The following MAGI1 variants were observed in gnomAD, a reference collection of about 807,000 sequenced individuals.
MAGI1 encodes the protein membrane-associated guanylate kinase, WW and PDZ domain-containing protein 1.
Under a neutral mutation model 139.9 loss-of-function variants are expected in MAGI1, and 58 were observed. That is an observed-to-expected ratio of 0.41 (90% confidence interval 0.34 to 0.52). The LOEUF is 0.52. MAGI1 is among the 20% of genes least tolerant of loss of function. The pLI, the probability that MAGI1 is intolerant of heterozygous loss-of-function variation, is 0.12. For synonymous variants in MAGI1, 812 were observed against 737.9 expected (o/e 1.10, Z -1.63); for missense variants, 1,874 against 1,901.6 (o/e 0.99, Z 0.27).
intron 1 of MAGI1, among the ~76,000 whole-genome samples, chr3:65,698,709 T>G (rs1351563479): frequency 6.7e-6 from 1 of 150,082 alleles, no homozygotes; most frequent in Non-Finnish European, 1.5e-5. Flanking sequence ...TCCTTACACC[T>G]TATACAAAAA....
chr3:65,833,028 T>A lies in MAGI1; in HGVS notation c.313+204968A>T, dbSNP rs2042609615. Reference sequence around the variant, plus strand: ...CATTTGTATGGATGAAGTGAATGAATGGAGCTTGGGAAGGTAAATAAATGA... The same window carrying A: ...CATTTGTATGGATGAAGTGAATGAAAGGAGCTTGGGAAGGTAAATAAATGA... On this transcript the variant is annotated intron_variant, in intron 1 of 22. Coordinates refer to ENST00000402939, the MANE Select transcript of MAGI1 (RefSeq NM_001033057.2). Among the ~76,000 whole-genome samples the A allele has an allele frequency of 2.0e-5, 3 of 152,186 alleles. No homozygotes were observed. In the South Asian group the frequency reaches 6.2e-4, roughly 31 times the overall value.
Position 65,569,551 on chromosome 3 carries a change from C to A in MAGI1, c.430+52421G>T, listed in dbSNP as rs933412331. 2.8e-5 allele frequency among the ~76,000 whole-genome samples: 3 copies of A among 107,858 alleles called. No individual in the cohort carries two copies. The East Asian group carries it at 1.6e-3, about 56-fold the overall frequency. 70.8% of individuals were successfully genotyped at this position (107,858 alleles called of 152,430 possible). A position where few individuals can be genotyped will look rare whatever the true frequency, so the allele number is the denominator to read the frequency against. The stretch of plus-strand genomic sequence containing the variant: ...TAGGTAAGTTTAAAGTATATAAATC[C>A]TTCCACAATTTTAAAGGATCCTTTA... On this transcript the variant is annotated intron_variant, in intron 2 of 22. Coordinates refer to ENST00000402939, the MANE Select transcript of MAGI1 (RefSeq NM_001033057.2).
At chr3:65,668,791 A>C (rs1454985911) in intron 1 of MAGI1, among the ~76,000 whole-genome samples, 2 of 151,590 alleles carry the variant, frequency 1.3e-5, no homozygotes, top group East Asian at 3.9e-4. Context: ...TGACCTTGTG[A>C]TCCACCTGCC....
intron 1 of MAGI1, among the ~76,000 whole-genome samples, chr3:66,032,158 G>A (rs75670451): frequency 4.6e-5 from 7 of 152,104 alleles, no homozygotes; most frequent in Admixed American, 2.6e-4. Flanking sequence ...CTTACCTTCC[G>A]AAACAATGGA....
At chr3:65,536,898 T>C (rs192374513) in intron 2 of MAGI1, among the ~76,000 whole-genome samples, 18 of 152,296 alleles carry the variant, frequency 1.2e-4, no homozygotes, top group Admixed American at 7.2e-4. Flanking sequence ...CAAGGACAGA[T>C]TGCTAACATG....
chr3:65,786,235 G>A (rs1874324), intron 1 of MAGI1, among the ~76,000 whole-genome samples: 1 of 139,514 alleles, frequency 7.2e-6, no homozygotes. Flanking sequence ...GGATTACCAC[G>A]CCCAGCCAAT....
intron 1 of MAGI1, among the ~76,000 whole-genome samples, chr3:65,677,850 C>T (rs1197166444): frequency 1.3e-5 from 2 of 152,214 alleles, no homozygotes; most frequent in African/African-American, 2.4e-5. Flanking sequence ...TAATCATTGG[C>T]AGGTTGTATT....
At chr3:65,755,098 C>T (rs2036458174) in intron 1 of MAGI1, among the ~76,000 whole-genome samples, 1 of 151,898 alleles carries the variant, frequency 6.6e-6, no homozygotes, top group East Asian at 1.9e-4. Flanking sequence ...CAGGCGCGTG[C>T]CACGAGGCCC....
intron 12 of MAGI1, among the ~76,000 whole-genome samples, chr3:65,405,452 T>A (rs1324710986): frequency 6.6e-6 from 1 of 152,236 alleles, no homozygotes; most frequent in Non-Finnish European, 1.5e-5. Context: ...GAAGGTTATG[T>A]GCGAAAACAG....
At chr3:66,030,188 T>C (rs1380534612) in intron 1 of MAGI1, among the ~76,000 whole-genome samples, 1 of 152,206 alleles carries the variant, frequency 6.6e-6, no homozygotes, top group Non-Finnish European at 1.5e-5. Flanking sequence ...AGAATATTCC[T>C]GGATCAATCG....
chr3:65,641,725 G>A lies in MAGI1; in HGVS notation c.314-19637C>T, dbSNP rs143276034. Reference sequence around the variant, plus strand: ...AGTCACAGCCCTGGGAATTTAAATCGTGTTTCTGCCTGCCCTGACTAAGGA... The same window carrying A: ...AGTCACAGCCCTGGGAATTTAAATCATGTTTCTGCCTGCCCTGACTAAGGA... On this transcript the variant is annotated intron_variant, in intron 1 of 22. Transcript: ENST00000402939. 8.5e-5 allele frequency among the ~76,000 whole-genome samples: 13 copies of A among 152,248 alleles called. No individual in the cohort carries two copies. The East Asian group carries it at 2.1e-3, about 25-fold the overall frequency.
In MAGI1 at chr3:65,395,636, C is replaced by CAAAAAAAAAAAAAAAAAAAA. The variant is rs58806140; in HGVS notation, c.2200-4298_2200-4279dup. On this transcript the variant is annotated intron_variant, in intron 13 of 22. Transcript: ENST00000402939. ...TGGGTGACAGAGCGAGACTCCATCTCAAAAAAAAAAAAAAAAAAAAAGAGG... is the reference window on the plus strand; with the variant it reads ...TGGGTGACAGAGCGAGACTCCATCTCAAAAAAAAAAAAAAAAAAAAAAAAAAAAAAAAAAAAAAAAAGAGG... Among the ~76,000 whole-genome samples the CAAAAAAAAAAAAAAAAAAAA allele has an allele frequency of 5.0e-3, 95 of 19,172 alleles. 19 individuals are homozygous for CAAAAAAAAAAAAAAAAAAAA. Among genetic ancestry groups the CAAAAAAAAAAAAAAAAAAAA allele is most frequent in the Non-Finnish European group, 6.4e-3 (61 of 9,460 alleles). 12.6% of individuals were successfully genotyped at this position (19,172 alleles called of 152,430 possible). A position where few individuals can be genotyped will look rare whatever the true frequency, so the allele number is the denominator to read the frequency against.
Position 65,472,903 on chromosome 3 carries a change from T to C in MAGI1, c.758-2419A>G, listed in dbSNP as rs1950640063. On this transcript the variant is annotated intron_variant, in intron 4 of 22. Coordinates refer to ENST00000402939, the MANE Select transcript of MAGI1 (RefSeq NM_001033057.2). ...AAAAAATAATGCAGTATGACATCAG[T>C]GAAAAATGAAAGGTCATGATTACGG... 2.0e-5 allele frequency among the ~76,000 whole-genome samples: 3 copies of C among 152,136 alleles called. 1 individual carries two copies. The highest frequency in any genetic ancestry group is 7.2e-5 in the African/African-American group (3 of 41,426).
intron 1 of MAGI1, among the ~76,000 whole-genome samples, chr3:66,014,370 G>T (rs1271480562): frequency 6.6e-6 from 1 of 152,046 alleles, no homozygotes; most frequent in African/African-American, 2.4e-5. Flanking sequence ...TATAACAATG[G>T]GATCATCCTA....
chr3:65,392,703 A>G (rs142603486), intron 13 of MAGI1, among the ~76,000 whole-genome samples: 90 of 152,268 alleles, frequency 5.9e-4, no homozygotes, highest in African/African-American at 2.1e-3. Flanking sequence ...TCAGGTCCCT[A>G]TACTTCCTCT....
rs944392613 is a variant in MAGI1, at chr3:65,950,082, A to C, written c.313+87914T>G. 3.8e-5 allele frequency among the ~76,000 whole-genome samples: 3 copies of C among 79,844 alleles called. 1 individual carries two copies. The highest frequency in any genetic ancestry group is 5.8e-4 in the East Asian group (2 of 3,478). The allele number at this position is 79,844 out of a possible 152,430, so 52.4% of individuals were successfully genotyped here. A position where few individuals can be genotyped will look rare whatever the true frequency, so the allele number is the denominator to read the frequency against. On this transcript the variant is annotated intron_variant, in intron 1 of 22. Coordinates refer to ENST00000402939, the MANE Select transcript of MAGI1 (RefSeq NM_001033057.2). ...AACAAAAAAACAAAAAAAAAACAAA[A>C]AAAAAAACAAACAAAAAAAAAAAAC...
intron 2 of MAGI1, among the ~76,000 whole-genome samples, chr3:65,494,819 A>T (rs999208166): frequency 2.0e-5 from 3 of 152,258 alleles, no homozygotes; most frequent in Admixed American, 1.3e-4. Flanking sequence ...CACAATTTTC[A>T]TAAGTCAAAA....
chr3:65,491,032 C>CT (rs1413190944), intron 3 of MAGI1, among the ~76,000 whole-genome samples: 1 of 152,082 alleles, frequency 6.6e-6, no homozygotes, highest in Non-Finnish European at 1.5e-5. Context: ...GCACCGTTTT[C>CT]TACAAGACAA....
chr3:65,773,480 C>G (rs1387943151), intron 1 of MAGI1, among the ~76,000 whole-genome samples: 4 of 152,142 alleles, frequency 2.6e-5, no homozygotes, highest in Non-Finnish European at 5.9e-5. Context: ...TTGCAGTGAG[C>G]TATGATGGGG....
Sources: gnomAD v4.1 joint callset for allele counts (sites outside exome capture counted in the v4.1 genomes callset) on GRCh38, gnomAD v4.1.1 for gene constraint, MANE v1.5 for transcripts, NCBI Gene and HGNC (gene_info 2026-07-23, HGNC 2026-07-21) for gene names.